LRRFIP1: variants seen among roughly 807,000 people sequenced by gnomAD.
The protein encoded by LRRFIP1 is leucine-rich repeat flightless-interacting protein 1.
In LRRFIP1, 62 loss-of-function variants were observed where a neutral mutation model predicts 104.4. The ratio of observed to expected loss-of-function variants is 0.59; its 90% confidence interval spans 0.48 to 0.73. LRRFIP1 has a LOEUF of 0.73. LRRFIP1 is among the 30% of genes least tolerant of loss of function. LRRFIP1 has a pLI of 0.00. For synonymous variants in LRRFIP1, 300 were observed against 299.0 expected (o/e 1.00, Z -0.03); for missense variants, 796 against 824.5 (o/e 0.97, Z 0.42).
At chr2:237,643,648 C>T (rs971359286) in intron 1 of LRRFIP1, among the ~76,000 whole-genome samples, 2 of 152,178 alleles carry the variant, frequency 1.3e-5, no homozygotes, top group Non-Finnish European at 1.5e-5. Flanking sequence ...GCCCCCAGCC[C>T]GGTGGGTCTG....
intron 8 of LRRFIP1, 30 bp from the exon 9 acceptor site, chr2:237,733,744 T>A (rs1239122587): frequency 1.2e-6 from 2 of 1,613,326 alleles, no homozygotes; most frequent in Admixed American, 1.7e-5. Flanking sequence ...TCAAGGCTTT[T>A]AAAACCTGCC....
chr2:237,718,941 AGAAAT>A (rs748132079), intron 4 of LRRFIP1, among the ~76,000 whole-genome samples: 12 of 152,184 alleles, frequency 7.9e-5, no homozygotes, highest in Non-Finnish European at 1.5e-4. Context: ...AAAAAAGAAA[AGAAAT>A]ATTTAAAAAA....
intron 1 of LRRFIP1, among the ~76,000 whole-genome samples, chr2:237,652,326 C>T (rs896975196): frequency 1.3e-5 from 2 of 152,192 alleles, no homozygotes; most frequent in Admixed American, 6.5e-5. Flanking sequence ...GATGTGAACA[C>T]GGCTGGATGA....
chr2:237,752,133 G>A (rs777680888), intron 14 of LRRFIP1, among the ~76,000 whole-genome samples: 20 of 152,330 alleles, frequency 1.3e-4, no homozygotes, highest in Middle Eastern at 3.4e-3. Context: ...TTGGCCAGGC[G>A]TGGTGGCTCA....
chr2:237,776,492 G>A (rs1349799716), intron 23 of LRRFIP1, among the ~76,000 whole-genome samples: 9 of 152,120 alleles, frequency 5.9e-5, no homozygotes, highest in Non-Finnish European at 1.3e-4. Context: ...TCTTTTGTCT[G>A]CTTAAATTCT....
intron 11 of LRRFIP1, among the ~76,000 whole-genome samples, chr2:237,746,735 C>T (rs1183112239): frequency 6.6e-6 from 1 of 152,248 alleles, no homozygotes; most frequent in Non-Finnish European, 1.5e-5. Flanking sequence ...AGCTGGGCTG[C>T]ACCCAACGTG....
intron 1 of LRRFIP1, among the ~76,000 whole-genome samples, chr2:237,693,626 G>A (rs1258170825): frequency 6.6e-6 from 1 of 152,182 alleles, no homozygotes; most frequent in Admixed American, 6.5e-5. Flanking sequence ...ATCACCATCA[G>A]GGAAGGGTTC....
At chr2:237,680,550 C>T (rs2091695135) in intron 1 of LRRFIP1, among the ~76,000 whole-genome samples, 1 of 152,224 alleles carries the variant, frequency 6.6e-6, no homozygotes, top group South Asian at 2.1e-4. Flanking sequence ...TGCTCAGAGA[C>T]TTGAGCATCT....
chr2:237,671,826 A>G (rs11679732), intron 1 of LRRFIP1, among the ~76,000 whole-genome samples: 117,983 of 148,590 alleles, frequency 0.79, 46,736 homozygotes, highest in East Asian at 0.86. Flanking sequence ...GTGTGTGCAC[A>G]TGTGTGTGTG....
intron 1 of LRRFIP1, among the ~76,000 whole-genome samples, chr2:237,665,448 G>A (rs374589258): frequency 2.0e-5 from 3 of 152,128 alleles, no homozygotes; most frequent in Admixed American, 6.5e-5. Context: ...CACTCTTCAC[G>A]TAAGAATGAG....
chr2:237,707,664 G>A (rs2093882382), intron 1 of LRRFIP1, among the ~76,000 whole-genome samples: 1 of 152,156 alleles, frequency 6.6e-6, no homozygotes, highest in African/African-American at 2.4e-5. Flanking sequence ...ATCACATGAA[G>A]CAGTGAATAC....
chr2:237,687,743 T>C (rs970385284), intron 1 of LRRFIP1, among the ~76,000 whole-genome samples: 1 of 152,118 alleles, frequency 6.6e-6, no homozygotes, highest in Non-Finnish European at 1.5e-5. Context: ...GAAAAACAGA[T>C]GTTAGGGCTC....
intron 1 of LRRFIP1, chr2:237,692,217 C>G (rs994227008): frequency 1.7e-5 from 19 of 1,086,668 alleles, no homozygotes; most frequent in East Asian, 6.0e-5. Flanking sequence ...CCTTCCACCC[C>G]GAGCCCGACT....
intron 3 of LRRFIP1, among the ~76,000 whole-genome samples, chr2:237,715,173 C>T (rs554045175): frequency 8.5e-5 from 13 of 152,314 alleles, no homozygotes; most frequent in Admixed American, 2.6e-4. Flanking sequence ...GATGACGAAT[C>T]GCCTTCCCTG....
At chr2:237,759,854 G>GAGAA (rs1469967192) in intron 18 of LRRFIP1, among the ~76,000 whole-genome samples, 2 of 152,162 alleles carry the variant, frequency 1.3e-5, no homozygotes, top group African/African-American at 4.8e-5. Flanking sequence ...TGGAACATCT[G>GAGAA]AGAAAGAAGT....
intron 19 of LRRFIP1, chr2:237,764,096 G>A (rs1335212108): frequency 1.2e-6 from 2 of 1,614,234 alleles, no homozygotes; most frequent in Non-Finnish European, 1.7e-6. Context: ...TACCAGAGGA[G>A]GGAATGAGAA....
At chr2:237,662,849 C>T (rs2088296660) in intron 1 of LRRFIP1, among the ~76,000 whole-genome samples, 1 of 152,158 alleles carries the variant, frequency 6.6e-6, no homozygotes, top group South Asian at 2.1e-4. Context: ...ACACGCCCAC[C>T]AGCGCTATGT....
rs1017675246 is a variant in LRRFIP1 at position 237,711,020 on chromosome 2, C to A, written c.183+2390C>A. ...AAGCAATGATCGGGCCATGATTGTC[C>A]CTGTGTGTAGCCACTGCACTCCAGC... On this transcript the variant is annotated intron_variant, in intron 2 of 23. Transcript: ENST00000308482. This position sits in a 1 kb window ranked among gnomAD's most constrained non-coding sequence, Gnocchi z 4.4. Among the ~76,000 whole-genome samples the A allele has an allele frequency of 4.6e-5, 7 of 152,124 alleles. No individual in the cohort carries two copies. The highest frequency in any genetic ancestry group is 1.7e-4 in the African/African-American group (7 of 41,402).
rs116363023 is a variant in LRRFIP1 at position 237,734,232 on chromosome 2, A to G, written c.489+414A>G. ...AGTACTTATGCTATGCAAGAAACGT[A>G]AAGTAAATACTCAAAGTAGCTATAT... On this transcript the variant is annotated intron_variant, in intron 9 of 23. Transcript: ENST00000308482. 6.4e-3 allele frequency among the ~76,000 whole-genome samples: 926 copies of G among 145,368 alleles called. 20 individuals carry two copies. Among genetic ancestry groups the G allele is most frequent in the African/African-American group, 0.024 (873 of 35,648 alleles).
Sources: gnomAD v4.1 joint callset for allele counts (sites outside exome capture counted in the v4.1 genomes callset) on GRCh38, gnomAD v4.1.1 for gene constraint, Gnocchi (gnomAD v3.1) non-coding constraint, MANE v1.5 for transcripts, NCBI Gene and HGNC (gene_info 2026-07-23, HGNC 2026-07-21) for gene names.